Variants in AR observed in about 807,000 individuals in gnomAD.
AR encodes androgen receptor, also known as dihydrotestosterone receptor.
Under a neutral mutation model 53.9 loss-of-function variants are expected in AR, and 8 were observed. That is an observed-to-expected ratio of 0.15 (90% CI 0.09 to 0.27). The LOEUF is 0.27. AR is among the 10% of genes least tolerant of loss of function. The pLI is 1.00. For missense variants in AR, 639 were observed against 742.5 expected, an observed-to-expected ratio of 0.86 and a Z score of 1.62; for synonymous variants, 359 against 316.4, an observed-to-expected ratio of 1.13 and a Z score of -1.43.
intron 3 of AR, among the ~76,000 whole-genome samples, chrX:67,698,606 C>T (rs1223998930): frequency 3.5e-5 from 4 of 112,747 alleles, no homozygotes; most frequent in Non-Finnish European, 7.5e-5. Flanking sequence ...CCTAGTCTAG[C>T]TTCACAAAGA....
At chrX:67,635,259 C>T (rs1242878292) in intron 1 of AR, among the ~76,000 whole-genome samples, 1 of 111,077 alleles carries the variant, frequency 9.0e-6, no homozygotes, top group Non-Finnish European at 1.9e-5. Context: ...CTCACAAAAG[C>T]CGTCTAGAGT....
Position 67,663,912 on chromosome X carries a change from C to T in AR, c.1768+20505C>T, listed in dbSNP as rs200477295. 5.3e-5 allele frequency among the ~76,000 whole-genome samples: 6 copies of T among 112,301 alleles called. No individual in the cohort carries two copies. In the East Asian group the frequency reaches 1.1e-3, roughly 21 times the overall value. On this transcript the variant is annotated intron_variant, in intron 2 of 7. Transcript: ENST00000374690. ...TACCCTTTCTTCCAGTTGATCTAATCGGCTACTGAGGCTTGTGCATTTGTC... is the reference window on the plus strand; with the variant it reads ...TACCCTTTCTTCCAGTTGATCTAATTGGCTACTGAGGCTTGTGCATTTGTC...
rs1001144803 is a variant in AR at position 67,624,515 on chromosome X, T to A, written c.1617-18741T>A. Among the ~76,000 whole-genome samples the A allele has an allele frequency of 2.7e-5, 3 of 111,585 alleles. No individual in the cohort carries two copies. In the Admixed American group the frequency reaches 2.9e-4, roughly 11 times the overall value. ...AGAGGCTGGAACCCTTTCCAACTAA[T>A]TCTGCAAAGTCAGCATTACCCTGAT... On this transcript the variant is annotated intron_variant, in intron 1 of 7. Transcript: ENST00000374690.
At chrX:67,676,301 A>G (rs2075899521) in intron 2 of AR, among the ~76,000 whole-genome samples, 1 of 112,177 alleles carries the variant, frequency 8.9e-6, no homozygotes, top group South Asian at 3.7e-4. Context: ...TCCAGCCTGC[A>G]GTAACATTGG....
At chrX:67,699,790 A>G (rs2076035212) in intron 3 of AR, among the ~76,000 whole-genome samples, 1 of 111,127 alleles carries the variant, frequency 9.0e-6, no homozygotes, top group Non-Finnish European at 1.9e-5. Context: ...AAAGGGATTC[A>G]AACTTCCTAA....
chrX:67,645,310 A>AT (rs1402781015), intron 2 of AR, among the ~76,000 whole-genome samples: 1 of 111,835 alleles, frequency 8.9e-6, no homozygotes, highest in African/African-American at 3.2e-5. Context: ...TTTTGCTGTC[A>AT]TATCATACAT....
intron 2 of AR, among the ~76,000 whole-genome samples, chrX:67,663,033 G>A (rs1054161606): frequency 6.3e-5 from 7 of 111,337 alleles, no homozygotes; most frequent in African/African-American, 2.3e-4. Flanking sequence ...CATGTTAGAC[G>A]GGTTTCCTGA....
At chrX:67,716,468 G>T (rs779801033) in intron 4 of AR, among the ~76,000 whole-genome samples, 2 of 112,105 alleles carry the variant, frequency 1.8e-5, no homozygotes, top group South Asian at 7.5e-4. Context: ...AACTGCCTGT[G>T]CAGAGATAAC....
intron 5 of AR, among the ~76,000 whole-genome samples, chrX:67,719,591 G>C (rs1309842087): frequency 8.9e-6 from 1 of 112,066 alleles, no homozygotes; most frequent in Non-Finnish European, 1.9e-5. Flanking sequence ...CACTGTGTTA[G>C]AGCTCTCAGG....
intron 1 of AR, among the ~76,000 whole-genome samples, chrX:67,551,926 T>A (rs1217134949): frequency 8.9e-6 from 1 of 111,920 alleles, no homozygotes; most frequent in Non-Finnish European, 1.9e-5. Context: ...TGAGGGCAGC[T>A]CATCTCGATA....
chrX:67,709,217 G>A (rs940170123), intron 3 of AR, among the ~76,000 whole-genome samples: 8 of 112,038 alleles, frequency 7.1e-5, no homozygotes, highest in Non-Finnish European at 1.3e-4. Flanking sequence ...CCTTTTGTTC[G>A]GCTATGCCCT....
intron 3 of AR, among the ~76,000 whole-genome samples, chrX:67,703,911 T>G (rs2076053758): frequency 9.0e-6 from 1 of 111,575 alleles, no homozygotes; most frequent in African/African-American, 3.3e-5. Flanking sequence ...CTTTTTGTCC[T>G]TGAGATAGTT....
Position 67,726,010 on chromosome X carries a change from A to G in AR, c.*2169A>G, listed in dbSNP as rs186711978. 77 of 174,570 alleles carry G rather than the reference A, an allele frequency of 4.4e-4. No individual in the cohort carries two copies. Among genetic ancestry groups the G allele is most frequent in the Admixed American group, 3.0e-3 (38 of 12,733 alleles). 14.4% of individuals were successfully genotyped at this position (174,570 alleles called of 1,213,427 possible). A position where few individuals can be genotyped will look rare whatever the true frequency, so the allele number is the denominator to read the frequency against. ...CTCAAGAAATCAAGGGCCAGTCATC[A>G]AGCTGCCCATTTTAATTGATTCACT... On this transcript the variant is annotated 3_prime_UTR_variant, in exon 8 of 8. Transcript: ENST00000374690.
chrX:67,550,592 G>T (rs1274175846), intron 1 of AR, among the ~76,000 whole-genome samples: 3 of 108,734 alleles, frequency 2.8e-5, no homozygotes, highest in Non-Finnish European at 5.7e-5. Context: ...AGCAGAATGC[G>T]GACTGGGTGT....
chrX:67,664,544 G>C (rs974773144), intron 2 of AR, among the ~76,000 whole-genome samples: 1 of 112,213 alleles, frequency 8.9e-6, no homozygotes, highest in Non-Finnish European at 1.9e-5. Context: ...GTGCCTCCCA[G>C]TTAGGCTACT....
At chrX:67,656,768 A>G (rs1926612837) in intron 2 of AR, among the ~76,000 whole-genome samples, 1 of 110,468 alleles carries the variant, frequency 9.1e-6, no homozygotes, top group African/African-American at 3.3e-5. Context: ...GGAGAGAGAG[A>G]TGAGTAAAGC....
chrX:67,641,245 C>T (rs1925747738), intron 1 of AR, among the ~76,000 whole-genome samples: 1 of 111,758 alleles, frequency 8.9e-6, no homozygotes, highest in South Asian at 3.7e-4. Context: ...GCATCAGTTT[C>T]CTCTTCTGCA....
chrX:67,549,264 T>C (rs1016378167), intron 1 of AR, among the ~76,000 whole-genome samples: 2 of 112,052 alleles, frequency 1.8e-5, no homozygotes, highest in African/African-American at 6.5e-5. Flanking sequence ...GTGCCATGTT[T>C]GAGCTAAAAA....
At position 67,544,991 on chromosome X, in the gene AR, G is replaced by C. The variant is rs755844198; in HGVS notation, c.-156G>C. 1.1e-4 allele frequency: 92 copies of C among 839,539 alleles called. No homozygotes were observed. The African/African-American group carries it at 1.7e-3, about 16-fold the overall frequency. The allele number at this position is 839,539 out of a possible 1,213,427, so 69.2% of individuals were successfully genotyped here. On this transcript the variant is annotated 5_prime_UTR_variant, in exon 1 of 8. Coordinates refer to ENST00000374690, the MANE Select transcript of AR (RefSeq NM_000044.6). The stretch of plus-strand genomic sequence containing the variant: ...TTGAGGCTGTCAGAGCGCTTTTTGC[G>C]TGGTTGCTCCCGCAAGTTTCCTTCT...
Sources: gnomAD v4.1 joint callset for allele counts (sites outside exome capture counted in the v4.1 genomes callset) on GRCh38, gnomAD v4.1.1 for gene constraint, MANE v1.5 for transcripts, NCBI Gene and HGNC (gene_info 2026-07-23, HGNC 2026-07-21) for gene names.